The following SHC2 variants were observed in gnomAD, a reference collection of about 807,000 sequenced individuals.
The protein encoded by SHC2 is SHC adaptor protein 2, also known as SHC-transforming protein 2.
In SHC2, 62 loss-of-function variants were observed where a neutral mutation model predicts 60.6. That is an observed-to-expected ratio of 1.02 (90% confidence interval 0.83 to 1.26). SHC2 has a LOEUF of 1.26. SHC2 is among the 50% of genes most tolerant of loss of function. The pLI is 0.00. For missense variants in SHC2, 873 were observed against 822.2 expected (o/e 1.06, Z -0.76); for synonymous variants, 375 against 372.4 (o/e 1.01, Z -0.08).
At chr19:451,327 A>T (rs950590479) in intron 1 of SHC2, among the ~76,000 whole-genome samples, 1 of 150,318 alleles carries the variant, frequency 6.7e-6, no homozygotes, top group African/African-American at 2.5e-5. Flanking sequence ...CAGCGTGTGG[A>T]TGGCCACGCC....
rs535638564 is a variant in SHC2 at position 437,302 on chromosome 19, G to A, written c.721-619C>T. ...CGTCTGTGTGCTCATCTGCGTGCTC[G>A]TCTGTGTGCTCATCTGCATGCTCAT... On this transcript the variant is annotated intron_variant, in intron 4 of 12. Coordinates refer to ENST00000264554, the MANE Select transcript of SHC2 (RefSeq NM_012435.3). Among the ~76,000 whole-genome samples, 1,146 of 149,006 alleles carry A rather than the reference G, an allele frequency of 7.7e-3. 8 individuals are homozygous for A. The highest frequency in any genetic ancestry group is 0.016 in the African/African-American group (640 of 38,902).
rs1345234097 is a variant in SHC2 at position 438,160 on chromosome 19, T to C, written c.720+558A>G. On this transcript the variant is annotated intron_variant, in intron 4 of 12. Transcript: ENST00000264554. This position sits in a 1 kb window ranked among gnomAD's most constrained non-coding sequence, Gnocchi z 5.0. ...CACCACACCCGGCTAATCTTTGTAT[T>C]TTTTGTAGAGTCAGCCATGTTGGCC... 6.6e-6 allele frequency among the ~76,000 whole-genome samples: 1 copy of C among 151,988 alleles called. No homozygotes were observed. The highest frequency in any genetic ancestry group is 1.5e-5 in the Non-Finnish European group (1 of 67,994).
chr19:417,437 C>G (rs904502776), intron 12 of SHC2, 115 bp from the exon 13 acceptor site: 1 of 152,384 alleles, frequency 6.6e-6, no homozygotes, highest in African/African-American at 2.4e-5. Flanking sequence ...TGCCACACCT[C>G]AGGTCCAGCC....
chr19:457,454 G>A (rs1252264653), intron 1 of SHC2, among the ~76,000 whole-genome samples: 4 of 142,518 alleles, frequency 2.8e-5, no homozygotes, highest in East Asian at 2.1e-4. Flanking sequence ...CCTCCTGGGA[G>A]GGGCAGCCGC....
Position 441,035 on chromosome 19 carries a change from A to G in SHC2, c.469-103T>C. ...GCCGCCTCCACCACCCCTGGGGTCG[A>G]GCCCTTTCCTCTGTCCCTGGTGGCT... is the stretch of plus-strand genomic sequence containing the variant. On this transcript the variant is annotated intron_variant, in intron 1 of 12. Coordinates refer to ENST00000264554, the MANE Select transcript of SHC2 (RefSeq NM_012435.3). The surrounding 1 kb of genome is among the most constrained non-coding windows in gnomAD (Gnocchi z 4.9). 6.5e-7 allele frequency: 1 copy of G among 1,532,496 alleles called. No homozygotes were observed. Among genetic ancestry groups the G allele is most frequent in the Non-Finnish European group, 8.9e-7 (1 of 1,118,666 alleles). 94.9% of individuals were successfully genotyped at this position (1,532,496 alleles called of 1,614,324 possible). A position where few individuals can be genotyped will look rare whatever the true frequency, so the allele number is the denominator to read the frequency against.
In SHC2 at chr19:440,261, G is replaced by A. The variant is rs1473821719; in HGVS notation, c.539+601C>T. Among the ~76,000 whole-genome samples the A allele has an allele frequency of 6.6e-6, 1 of 152,000 alleles. No homozygotes were observed. Among genetic ancestry groups the A allele is most frequent in the Admixed American group, 6.6e-5 (1 of 15,258 alleles). On this transcript the variant is annotated intron_variant, in intron 2 of 12. Transcript: ENST00000264554. This position sits in a 1 kb window ranked among gnomAD's most constrained non-coding sequence, Gnocchi z 7.0. ...GATGGGGACGGGGTGTTTTGATGGG[G>A]TAATGAGAATGTTCGGAACTAGACA...
At chr19:435,770 A>G (rs1974700341) in intron 7 of SHC2, 1 of 193,412 alleles carries the variant, frequency 5.2e-6, no homozygotes, top group East Asian at 1.2e-4. Flanking sequence ...TCACACTTCA[A>G]TGTCTATAAA....
chr19:422,354 C>A lies in SHC2; in HGVS notation c.1412G>T (p.Arg471Leu). 1 of 1,606,178 alleles carries A rather than the reference C, an allele frequency of 6.2e-7. No homozygotes were observed. Among genetic ancestry groups the A allele is most frequent in the Non-Finnish European group, 8.5e-7 (1 of 1,177,086 alleles). Residue 471 changes from arginine (R) to leucine (L), a missense_variant, in exon 11 of 13, where the codon CGC (arginine) becomes CTC (leucine). Physicochemically the swap from Arg to Leu is moderately radical, Grantham distance 102. Transcript: ENST00000264554. The surrounding 1 kb of genome is among the most constrained non-coding windows in gnomAD (Gnocchi z 5.0). ...LEDQWPSPPT[R>L]RAPVAPTEEQ... Reference sequence around the variant, plus strand: ...CTCCGTGGGGGCCACAGGGGCCCGGCGGGTAGGGGGGCTGGGCCACTGGTC... The same window carrying A: ...CTCCGTGGGGGCCACAGGGGCCCGGAGGGTAGGGGGGCTGGGCCACTGGTC...
rs113739919 is a variant in SHC2 at position 450,931 on chromosome 19, A to G, written c.468+9598T>C. Reference sequence around the variant, plus strand: ...TGGATGGCCATGCCGTGGCCATGTCATATTTCAGCGTGTGGATGGCCATAC... The same window carrying G: ...TGGATGGCCATGCCGTGGCCATGTCGTATTTCAGCGTGTGGATGGCCATAC... On this transcript the variant is annotated intron_variant, in intron 1 of 12. Transcript: ENST00000264554. Among the ~76,000 whole-genome samples the G allele has an allele frequency of 1.9e-3, 244 of 131,824 alleles. 15 individuals are homozygous for G. Among genetic ancestry groups the G allele is most frequent in the African/African-American group, 7.5e-3 (224 of 29,698 alleles). The allele number at this position is 131,824 out of a possible 152,430, so 86.5% of individuals were successfully genotyped here.
intron 8 of SHC2, among the ~76,000 whole-genome samples, chr19:434,150 G>A (rs1481487184): frequency 6.9e-6 from 1 of 145,322 alleles, no homozygotes; most frequent in Non-Finnish European, 1.5e-5. Context: ...GCGCTTCATC[G>A]TGAGTGAGAT....
intron 1 of SHC2, among the ~76,000 whole-genome samples, chr19:447,024 C>T (rs1297751129): frequency 1.3e-5 from 2 of 152,224 alleles, no homozygotes; most frequent in African/African-American, 4.8e-5. Flanking sequence ...ATAAACTCCA[C>T]TTACAAACAT....
chr19:428,746 G>A (rs1974482655), intron 9 of SHC2, among the ~76,000 whole-genome samples: 1 of 152,178 alleles, frequency 6.6e-6, no homozygotes, highest in Non-Finnish European at 1.5e-5. Flanking sequence ...GTGGACGAAT[G>A]CAGTACCTAT....
chr19:426,908 C>A (rs1286982001), intron 9 of SHC2, among the ~76,000 whole-genome samples: 1 of 151,928 alleles, frequency 6.6e-6, no homozygotes, highest in South Asian at 2.1e-4. Context: ...GTGGAGGAAT[C>A]CCTGGACCCT....
rs1416692763 is a variant in SHC2 at position 425,857 on chromosome 19, CG to C, written c.1175-627del. On this transcript the variant is annotated intron_variant, in intron 9 of 12. Transcript: ENST00000264554. This position sits in a 1 kb window ranked among gnomAD's most constrained non-coding sequence, Gnocchi z 4.1. The stretch of plus-strand genomic sequence containing the variant: ...CAGCCTGGCCAACATGGTGAAACCC[CG>C]TCTCTACTAAAAATGCAAAAATTAG... 6.6e-6 allele frequency among the ~76,000 whole-genome samples: 1 copy of C among 151,798 alleles called. No individual in the cohort carries two copies. Among genetic ancestry groups the C allele is most frequent in the Non-Finnish European group, 1.5e-5 (1 of 67,948 alleles).
chr19:421,316 C>A (rs1974263631), intron 11 of SHC2, among the ~76,000 whole-genome samples: 1 of 150,886 alleles, frequency 6.6e-6, no homozygotes, highest in East Asian at 1.9e-4. Flanking sequence ...GGGAGAATCG[C>A]TTGAACGCGG....
At chr19:423,203 C>CTGAGCCAGCTCCA (rs1176619892) in intron 10 of SHC2, among the ~76,000 whole-genome samples, 6 of 28,578 alleles carry the variant, frequency 2.1e-4, no homozygotes, top group Non-Finnish European at 2.2e-4. Context: ...CCCTGACCCT[C>CTGAGCCAGCTCCA]ACTCCCTGGT....
intron 1 of SHC2, among the ~76,000 whole-genome samples, chr19:459,758 C>T (rs1280303212): frequency 1.3e-5 from 2 of 152,204 alleles, no homozygotes; most frequent in African/African-American, 4.8e-5. Context: ...GCTGGGAGCA[C>T]CCACCGGTAG....
At chr19:417,634 A>G (rs1428764623) in intron 12 of SHC2, among the ~76,000 whole-genome samples, 1 of 152,254 alleles carries the variant, frequency 6.6e-6, no homozygotes, top group African/African-American at 2.4e-5. Context: ...CCTCCTGAGC[A>G]GGAATCATTA....
At position 418,969 on chromosome 19, in the gene SHC2, T is replaced by C; in HGVS notation, c.1708A>G (p.Ser570Gly). 6.3e-7 allele frequency: 1 copy of C among 1,585,974 alleles called. No individual in the cohort carries two copies. Among genetic ancestry groups the C allele is most frequent in the South Asian group, 1.2e-5 (1 of 86,620 alleles). Residue 570 changes from serine (S) to glycine (G), a missense_variant, in exon 12 of 13, where the codon AGT (serine) becomes GGT (glycine). Physicochemically the swap from Ser to Gly is moderately conservative, Grantham distance 56. Transcript: ENST00000264554. Reference sequence around the variant, plus strand: ...ACCACGCCACGCAGGTGCAGCTCACTCTCGGCGGCCACGATGGGCTGCCCG... The same window carrying C: ...ACCACGCCACGCAGGTGCAGCTCACCCTCGGCGGCCACGATGGGCTGCCCG... ...QNGQPIVAAE[S>G]ELHLRGVVSR...
Sources: allele counts gnomAD v4.1 joint callset (sites outside exome capture counted in the v4.1 genomes callset), GRCh38; gene constraint gnomAD v4.1.1; non-coding constraint Gnocchi (gnomAD v3.1); transcripts MANE v1.5; gene names NCBI Gene and HGNC (gene_info 2026-07-23, HGNC 2026-07-21).